The following LPGAT1 variants were observed in gnomAD, a reference collection of about 807,000 sequenced individuals.
LPGAT1 encodes the protein lysophosphatidylglycerol acyltransferase 1.
LPGAT1 carries 11 observed loss-of-function variants against 47.5 expected under a neutral mutation model. That is an observed-to-expected ratio of 0.23 (90% CI 0.15 to 0.38). LPGAT1 has a LOEUF of 0.38. LPGAT1 is among the 10% of genes least tolerant of loss of function. The pLI is 1.00. For synonymous variants in LPGAT1, 138 were observed against 144.2 expected (o/e 0.96, Z 0.31); for missense variants, 293 against 439.0 (o/e 0.67, Z 2.97).
chr1:211,829,085 G>A lies in LPGAT1; in HGVS notation c.212C>T (p.Ser71Phe), dbSNP rs369854948. The A allele has an allele frequency of 6.2e-7, 1 of 1,613,876 alleles. No homozygotes were observed. The highest frequency in any genetic ancestry group is 8.5e-7 in the Non-Finnish European group (1 of 1,180,014). ...TGTATATCCAGCATACCATCCCCAGGAAGCTACCATTCCTAAAAGCCATTT... is the reference window on the plus strand; with the variant it reads ...TGTATATCCAGCATACCATCCCCAGAAAGCTACCATTCCTAAAAGCCATTT... ...MYKWLLGMVASWGWYAGYTVM... is the reference protein window; with the variant it reads ...MYKWLLGMVAFWGWYAGYTVM... Residue 71 changes from serine to phenylalanine, a missense_variant, in exon 2 of 8, where the codon TCC (serine) becomes TTC (phenylalanine). Transcript: ENST00000366997.
intron 3 of LPGAT1, 51 bp from the exon 4 acceptor site, chr1:211,787,778 T>C (rs778757061): frequency 1.8e-6 from 2 of 1,132,892 alleles, no homozygotes; most frequent in Admixed American, 2.2e-5. Context: ...AACCTGACTA[T>C]AGTTGAGCTG....
At position 211,830,285 on chromosome 1, in the gene LPGAT1, C is replaced by A; in HGVS notation, c.-28+288G>T. 1 of 1,038,220 alleles carries A rather than the reference C, an allele frequency of 9.6e-7. No homozygotes were observed. Among genetic ancestry groups the A allele is most frequent in the Non-Finnish European group, 1.2e-6 (1 of 864,726 alleles). The allele number at this position is 1,038,220 out of a possible 1,614,324, so 64.3% of individuals were successfully genotyped here. On this transcript the variant is annotated intron_variant, in intron 1 of 7. Transcript: ENST00000366997. The surrounding 1 kb of genome is among the most constrained non-coding windows in gnomAD (Gnocchi z 5.9). ...CGGTGGCGGCCCAAGCGGCCCGAGG[C>A]GCTGCGCGAGCGGGCGCGCTGGCGC...
chr1:211,750,441 G>T (rs1448997017), intron 7 of LPGAT1, among the ~76,000 whole-genome samples: 1 of 152,082 alleles, frequency 6.6e-6, no homozygotes, highest in African/African-American at 2.4e-5. Flanking sequence ...AATATAATCT[G>T]CATGAGAGCA....
chr1:211,825,701 C>T (rs1660525731), intron 2 of LPGAT1, among the ~76,000 whole-genome samples: 1 of 152,344 alleles, frequency 6.6e-6, no homozygotes, highest in Non-Finnish European at 1.5e-5. Flanking sequence ...TGGCTCACGC[C>T]TATAATCCCA....
chr1:211,783,636 A>C, intron 4 of LPGAT1, 134 bp from the exon 5 acceptor site: 1 of 668,818 alleles, frequency 1.5e-6, no homozygotes. Flanking sequence ...CCCCACCCCA[A>C]CTTACTGCCC....
chr1:211,772,789 G>A (rs1036684103), intron 6 of LPGAT1, among the ~76,000 whole-genome samples: 1 of 152,068 alleles, frequency 6.6e-6, no homozygotes, highest in Non-Finnish European at 1.5e-5. Context: ...GTAATAAAAA[G>A]ATTTTGAAGG....
chr1:211,810,189 C>G (rs1241152247), intron 2 of LPGAT1, among the ~76,000 whole-genome samples: 1 of 152,090 alleles, frequency 6.6e-6, no homozygotes, highest in Admixed American at 6.5e-5. Context: ...CACTATCCCC[C>G]AAAGCACTAA....
At chr1:211,811,471 AT>A (rs1239805827) in intron 2 of LPGAT1, among the ~76,000 whole-genome samples, 1 of 152,182 alleles carries the variant, frequency 6.6e-6, no homozygotes, top group Non-Finnish European at 1.5e-5. Flanking sequence ...AGATGGGAGT[AT>A]CTTGGCTCAG....
chr1:211,810,966 T>C (rs891540825), intron 2 of LPGAT1, among the ~76,000 whole-genome samples: 4 of 152,170 alleles, frequency 2.6e-5, no homozygotes, highest in African/African-American at 9.7e-5. Flanking sequence ...CAGAGGGAAG[T>C]AGGCTTCCTA....
intron 5 of LPGAT1, among the ~76,000 whole-genome samples, chr1:211,780,932 C>T (rs1658615825): frequency 6.6e-6 from 1 of 152,032 alleles, no homozygotes; most frequent in Admixed American, 6.6e-5. Flanking sequence ...AGAAAAAACA[C>T]CAAAATTCAG....
At chr1:211,799,934 T>C (rs1659504258) in intron 2 of LPGAT1, among the ~76,000 whole-genome samples, 1 of 152,170 alleles carries the variant, frequency 6.6e-6, no homozygotes, top group Admixed American at 6.6e-5. Context: ...ATTTCTCCCT[T>C]TCCTTAATCT....
At chr1:211,820,117 T>G (rs1447109975) in intron 2 of LPGAT1, among the ~76,000 whole-genome samples, 1 of 152,124 alleles carries the variant, frequency 6.6e-6, no homozygotes, top group Non-Finnish European at 1.5e-5. Context: ...GTCTAGACAT[T>G]TTTTTAGAGA....
At chr1:211,791,614 AC>A (rs1659111285) in intron 3 of LPGAT1, among the ~76,000 whole-genome samples, 1 of 151,908 alleles carries the variant, frequency 6.6e-6, no homozygotes, top group South Asian at 2.1e-4. Flanking sequence ...CAGGCATGGT[AC>A]CCGTGCCCAT....
chr1:211,776,822 C>A (rs1369190113), intron 6 of LPGAT1, among the ~76,000 whole-genome samples: 2 of 151,454 alleles, frequency 1.3e-5, no homozygotes, highest in Non-Finnish European at 2.9e-5. Context: ...CAACACGAAA[C>A]AAAACTACAA....
chr1:211,815,773 CTTTTTTTTTTTTTT>C (rs938719098), intron 2 of LPGAT1, among the ~76,000 whole-genome samples: 5 of 101,848 alleles, frequency 4.9e-5, no homozygotes, highest in Admixed American at 1.2e-4. Flanking sequence ...AAATGCTTTT[CTTTTTTTTTTTTTT>C]TTTTTTTTTG....
intron 6 of LPGAT1, among the ~76,000 whole-genome samples, chr1:211,767,505 A>C (rs1260677551): frequency 2.0e-5 from 3 of 152,206 alleles, no homozygotes; most frequent in Non-Finnish European, 4.4e-5. Flanking sequence ...AAAAACTTTT[A>C]GGCAGTGAAC....
At chr1:211,826,292 C>CA (rs932985650) in intron 2 of LPGAT1, among the ~76,000 whole-genome samples, 22 of 151,796 alleles carry the variant, frequency 1.4e-4, no homozygotes, top group Admixed American at 2.0e-4. Context: ...TTGTCTTTCA[C>CA]AAAAAAAATC....
chr1:211,784,424 G>A (rs1002622647), intron 4 of LPGAT1, among the ~76,000 whole-genome samples: 13 of 151,010 alleles, frequency 8.6e-5, no homozygotes, highest in Non-Finnish European at 1.6e-4. Flanking sequence ...CCACAAGTTC[G>A]AGGATGCAGT....
In LPGAT1 at chr1:211,743,459, C is replaced by T. The variant is rs1349666781; in HGVS notation, c.*6440G>A. The stretch of plus-strand genomic sequence containing the variant: ...AGTTAAGAACAAGGTTACCCAGATC[C>T]TGAGAGGTAAAAATTTATTGATTTC... On this transcript the variant is annotated 3_prime_UTR_variant, in exon 8 of 8. Coordinates refer to ENST00000366997, the MANE Select transcript of LPGAT1 (RefSeq NM_014873.3). The T allele has an allele frequency of 6.6e-6, 1 of 152,104 alleles. No individual in the cohort carries two copies. Among genetic ancestry groups the T allele is most frequent in the East Asian group, 1.9e-4 (1 of 5,196 alleles). The allele number at this position is 152,104 out of a possible 1,614,324, so 9.4% of individuals were successfully genotyped here.
Sources: allele counts gnomAD v4.1 joint callset (sites outside exome capture counted in the v4.1 genomes callset), GRCh38; gene constraint gnomAD v4.1.1; non-coding constraint Gnocchi (gnomAD v3.1); transcripts MANE v1.5; gene names NCBI Gene and HGNC (gene_info 2026-07-23, HGNC 2026-07-21).